Variants in UNC13C observed in about 807,000 individuals in gnomAD.
The protein encoded by UNC13C is protein unc-13 homolog C.
A neutral mutation model predicts 245.4 loss-of-function variants in UNC13C; 174 were observed. The ratio of observed to expected loss-of-function variants is 0.71; its 90% CI spans 0.63 to 0.80. The LOEUF (loss-of-function observed/expected upper bound fraction) is 0.80, where lower values mean the gene tolerates loss of function less well. Among genes scored for constraint, UNC13C ranks in the 30% least tolerant of loss-of-function variants. UNC13C has a pLI of 0.00. For synonymous variants in UNC13C, 992 were observed against 895.1 expected (o/e 1.11, Z -1.93); for missense variants, 2,829 against 2,602.9 (o/e 1.09, Z -1.89).
chr15:54,343,361 G>C (rs1009276473), intron 17 of UNC13C, among the ~76,000 whole-genome samples: 2 of 152,028 alleles, frequency 1.3e-5, no homozygotes, highest in African/African-American at 2.4e-5. Context: ...TCGAACTCCT[G>C]ACCTCAGGGG....
chr15:54,037,470 GCT>G (rs769460859), intron 2 of UNC13C, among the ~76,000 whole-genome samples: 1 of 152,158 alleles, frequency 6.6e-6, no homozygotes, highest in Non-Finnish European at 1.5e-5. Flanking sequence ...TTAGCACAAT[GCT>G]TGTCATTTGG....
chr15:54,349,993 C>CT (rs533725018), intron 17 of UNC13C, among the ~76,000 whole-genome samples: 143 of 145,890 alleles, frequency 9.8e-4, no homozygotes, highest in East Asian at 2.8e-3. Context: ...TAATATTTTC[C>CT]TTTTTTTTTT....
At chr15:54,428,245 C>G (rs547473091) in intron 19 of UNC13C, among the ~76,000 whole-genome samples, 1 of 151,806 alleles carries the variant, frequency 6.6e-6, no homozygotes, top group Admixed American at 6.6e-5. Context: ...GTTCATGACC[C>G]TTGTCACACA....
intron 29 of UNC13C, among the ~76,000 whole-genome samples, chr15:54,560,269 A>G (rs1566910085): frequency 6.6e-6 from 1 of 151,964 alleles, no homozygotes; most frequent in Non-Finnish European, 1.5e-5. Flanking sequence ...TTGTAAGGAA[A>G]CAATAGCATG....
intron 17 of UNC13C, among the ~76,000 whole-genome samples, chr15:54,354,854 C>G (rs2039058358): frequency 6.6e-6 from 1 of 152,168 alleles, no homozygotes; most frequent in African/African-American, 2.4e-5. Flanking sequence ...CTCTAAAATT[C>G]ATGTTGAGAT....
At chr15:54,010,386 A>G (rs1185132109) in intron 1 of UNC13C, among the ~76,000 whole-genome samples, 2 of 152,172 alleles carry the variant, frequency 1.3e-5, no homozygotes. Flanking sequence ...GAAGTGCTGT[A>G]TGCTGAGGAG....
At chr15:54,222,772 A>G (rs1399499405) in intron 4 of UNC13C, among the ~76,000 whole-genome samples, 1 of 152,014 alleles carries the variant, frequency 6.6e-6, no homozygotes, top group African/African-American at 2.4e-5. Flanking sequence ...TGGTATTTGG[A>G]TAAAAGCCAT....
chr15:54,310,780 A>ATC (rs1453676860), intron 13 of UNC13C, among the ~76,000 whole-genome samples: 1 of 141,716 alleles, frequency 7.1e-6, no homozygotes, highest in African/African-American at 2.9e-5. Flanking sequence ...CTATATCTAT[A>ATC]TATATGTACA....
chr15:54,200,530 C>T (rs979132251), intron 4 of UNC13C, among the ~76,000 whole-genome samples: 3 of 151,906 alleles, frequency 2.0e-5, no homozygotes, highest in Non-Finnish European at 2.9e-5. Flanking sequence ...CCCTCAAAAC[C>T]GTGCAAATAC....
chr15:54,426,638 T>C (rs2040765053), intron 19 of UNC13C, among the ~76,000 whole-genome samples: 1 of 151,532 alleles, frequency 6.6e-6, no homozygotes, highest in South Asian at 2.1e-4. Flanking sequence ...AGGGGGTAAA[T>C]AGTAAGAAGT....
chr15:53,839,417 G>A, the UNC13C span, among the ~76,000 whole-genome samples: 8 of 152,106 alleles, frequency 5.3e-5, no homozygotes, highest in East Asian at 1.3e-3. Flanking sequence ...ATTTTATAAT[G>A]CATTTAAGAT....
intron 1 of UNC13C, among the ~76,000 whole-genome samples, chr15:54,009,621 A>C (rs916465118): frequency 6.7e-6 from 1 of 148,348 alleles, no homozygotes; most frequent in Non-Finnish European, 1.5e-5. Context: ...ATCTCGGCTT[A>C]CTGCAACCTC....
intron 17 of UNC13C, among the ~76,000 whole-genome samples, chr15:54,380,516 C>T (rs2039700441): frequency 6.6e-6 from 1 of 152,048 alleles, no homozygotes; most frequent in South Asian, 2.1e-4. Flanking sequence ...CATGGTAGTT[C>T]TATTTTTAGT....
At chr15:54,059,205 G>A (rs954516143) in intron 2 of UNC13C, among the ~76,000 whole-genome samples, 5 of 15,990 alleles carry the variant, frequency 3.1e-4, no homozygotes, top group South Asian at 0.011. Flanking sequence ...ATTGTTTATC[G>A]AGAAAACCCC....
intron 30 of UNC13C, among the ~76,000 whole-genome samples, chr15:54,581,983 A>G (rs1380027129): frequency 6.6e-6 from 1 of 151,894 alleles, no homozygotes; most frequent in African/African-American, 2.4e-5. Context: ...CATACAGGTT[A>G]GTGTAAACCA....
the UNC13C span, among the ~76,000 whole-genome samples, chr15:53,897,868 C>A: frequency 1.3e-5 from 2 of 152,230 alleles, no homozygotes; most frequent in Non-Finnish European, 2.9e-5. Flanking sequence ...GAGAATGCCC[C>A]GACCGCCTTC....
chr15:54,463,170 A>G (rs79105845), intron 19 of UNC13C, among the ~76,000 whole-genome samples: 1 of 149,594 alleles, frequency 6.7e-6, no homozygotes, highest in Non-Finnish European at 1.5e-5. Context: ...GTTTGTAAAC[A>G]CACCAGTCAG....
intron 30 of UNC13C, among the ~76,000 whole-genome samples, chr15:54,603,709 C>G (rs1442728539): frequency 6.6e-6 from 1 of 152,062 alleles, no homozygotes; most frequent in Non-Finnish European, 1.5e-5. Context: ...CAGAAAAATA[C>G]AAAAATTAGC....
the UNC13C span, among the ~76,000 whole-genome samples, chr15:53,932,756 T>C: frequency 0.09 from 13,739 of 152,250 alleles, 1,063 homozygotes; most frequent in East Asian, 0.33. Flanking sequence ...CGTATTCATT[T>C]GTATGAGCTT....
Sources: gnomAD v4.1 joint callset for allele counts (sites outside exome capture counted in the v4.1 genomes callset) on GRCh38, gnomAD v4.1.1 for gene constraint, MANE v1.5 for transcripts, NCBI Gene and HGNC (gene_info 2026-07-23, HGNC 2026-07-21) for gene names.